The following MGAT5 variants were observed in gnomAD, a reference collection of about 807,000 sequenced individuals.
MGAT5 encodes the protein alpha-1,6-mannosylglycoprotein 6-beta-N-acetylglucosaminyltransferase.
Under a neutral mutation model 94.3 loss-of-function variants are expected in MGAT5, and 30 were observed. The observed-to-expected ratio is 0.32, with a 90% CI of 0.24 to 0.43. The LOEUF (loss-of-function observed/expected upper bound fraction) is 0.43. MGAT5 is among the 20% of genes least tolerant of loss of function. MGAT5 has a pLI of 1.00. For missense variants in MGAT5, 691 were observed against 905.5 expected, an observed-to-expected ratio of 0.76 and a Z score of 3.04; for synonymous variants, 310 against 322.9, an observed-to-expected ratio of 0.96 and a Z score of 0.43.
intron 10 of MGAT5, among the ~76,000 whole-genome samples, chr2:134,396,253 C>G (rs192583394): frequency 6.6e-6 from 1 of 152,274 alleles, no homozygotes; most frequent in East Asian, 1.9e-4. Flanking sequence ...GATAAATGAG[C>G]CAAAGACTGC....
chr2:134,395,830 T>G (rs1371132), intron 10 of MGAT5, among the ~76,000 whole-genome samples: 1 of 152,208 alleles, frequency 6.6e-6, no homozygotes, highest in Non-Finnish European at 1.5e-5. Context: ...CTGTTCTTTC[T>G]TCCTGTTCGT....
At position 134,268,531 on chromosome 2, in the gene MGAT5, A is replaced by T. The variant is rs931248821; in HGVS notation, c.242-1855A>T. Among the ~76,000 whole-genome samples, 7 of 152,222 alleles carry T rather than the reference A, an allele frequency of 4.6e-5. No individual in the cohort carries two copies. The highest frequency in any genetic ancestry group is 2.1e-4 in the South Asian group (1 of 4,832). On this transcript the variant is annotated intron_variant, in intron 1 of 15. Transcript: ENST00000281923. The surrounding 1 kb of genome is among the most constrained non-coding windows in gnomAD (Gnocchi z 4.1). ...TGATGTGCCTGTGACAAACTGAGTC[A>T]TGCTGACCGTGGGACTGCAGACCGC...
intron 13 of MGAT5, among the ~76,000 whole-genome samples, chr2:134,424,993 G>A (rs1225068268): frequency 3.9e-5 from 6 of 152,172 alleles, no homozygotes; most frequent in African/African-American, 1.4e-4. Context: ...TCACATTCAC[G>A]GGTGCTGGGG....
At chr2:134,120,931 G>A (rs1444433291) in intron 1 of MGAT5, among the ~76,000 whole-genome samples, 1 of 152,008 alleles carries the variant, frequency 6.6e-6, no homozygotes, top group Admixed American at 6.5e-5. Context: ...TCCCGCCGGC[G>A]CGCTCAGCCC....
At chr2:134,440,845 C>T (rs778076210) in intron 14 of MGAT5, among the ~76,000 whole-genome samples, 3 of 152,134 alleles carry the variant, frequency 2.0e-5, no homozygotes, top group Admixed American at 6.5e-5. Context: ...CCACAACTGC[C>T]GTCACTCACT....
intron 10 of MGAT5, among the ~76,000 whole-genome samples, chr2:134,376,576 T>A (rs1003066092): frequency 8.5e-5 from 13 of 152,224 alleles, no homozygotes; most frequent in Admixed American, 6.5e-4. Context: ...TTGGACCAGA[T>A]ACTCATTCCT....
intron 2 of MGAT5, among the ~76,000 whole-genome samples, chr2:134,310,342 G>T (rs935067000): frequency 6.6e-6 from 1 of 152,182 alleles, no homozygotes; most frequent in Non-Finnish European, 1.5e-5. Flanking sequence ...CATATGGAAG[G>T]TGCTAGTGGA....
chr2:134,357,825 T>C (rs1454465330), intron 9 of MGAT5, among the ~76,000 whole-genome samples: 1 of 151,320 alleles, frequency 6.6e-6, no homozygotes, highest in East Asian at 1.9e-4. Context: ...ACAGTTTCCC[T>C]AGCCTGCATC....
intron 14 of MGAT5, among the ~76,000 whole-genome samples, chr2:134,436,805 A>G (rs781387159): frequency 6.6e-6 from 1 of 152,110 alleles, no homozygotes; most frequent in Non-Finnish European, 1.5e-5. Flanking sequence ...ATGTCTTACT[A>G]TCTGTTAGCC....
intron 8 of MGAT5, among the ~76,000 whole-genome samples, chr2:134,348,765 TTTAA>T (rs1679166475): frequency 6.6e-6 from 1 of 152,342 alleles, no homozygotes; most frequent in African/African-American, 2.4e-5. Context: ...CATCCTCAAG[TTTAA>T]TTTACATCAA....
chr2:134,412,910 C>T lies in MGAT5; in HGVS notation c.1572C>T (p.Pro524=), dbSNP rs1683756715. 6.2e-7 allele frequency: 1 copy of T among 1,614,120 alleles called. No homozygotes were observed. Among genetic ancestry groups the T allele is most frequent in the Non-Finnish European group, 8.5e-7 (1 of 1,180,008 alleles). ...GLGFPYEGPA[P]LEAIANGCAF... ...GGTTCCCTTACGAGGGCCCAGCTCC[C>T]CTGGAAGCTATCGCAAATGGATGTG... The change falls in exon 12 of 16, where the codon CCC becomes CCT. Residue 524 remains proline (P), a synonymous_variant. Transcript: ENST00000281923.
chr2:134,131,019 C>G (rs1277714168), intron 1 of MGAT5, among the ~76,000 whole-genome samples: 1 of 152,212 alleles, frequency 6.6e-6, no homozygotes, highest in African/African-American at 2.4e-5. Flanking sequence ...CCCTGGGGTC[C>G]CCTTCCATAG....
chr2:134,283,448 A>T (rs1490203278), intron 2 of MGAT5, among the ~76,000 whole-genome samples: 1 of 152,166 alleles, frequency 6.6e-6, no homozygotes, highest in Non-Finnish European at 1.5e-5. Flanking sequence ...TAGAGGCACC[A>T]AATGGGGAGC....
intron 12 of MGAT5, 129 bp from the exon 13 acceptor site, chr2:134,422,674 A>G (rs1684364768): frequency 1.5e-6 from 1 of 668,272 alleles, no homozygotes; most frequent in South Asian, 1.8e-5. Context: ...TTTGATCATC[A>G]AGGGGAAGGA....
At chr2:134,427,170 G>C (rs1027410023) in intron 13 of MGAT5, among the ~76,000 whole-genome samples, 4 of 152,124 alleles carry the variant, frequency 2.6e-5, no homozygotes, top group Admixed American at 2.6e-4. Context: ...AATTATAGAA[G>C]TTTTGCCTAG....
chr2:134,297,442 C>G (rs1685743841), intron 2 of MGAT5, among the ~76,000 whole-genome samples: 1 of 152,108 alleles, frequency 6.6e-6, no homozygotes, highest in African/African-American at 2.4e-5. Context: ...AAAGACATCA[C>G]AAGTGAACAA....
chr2:134,412,586 C>T (rs911825403), intron 11 of MGAT5, among the ~76,000 whole-genome samples: 3 of 152,028 alleles, frequency 2.0e-5, no homozygotes, highest in Admixed American at 2.0e-4. Context: ...TCCATCCTCC[C>T]TACCCCGTGG....
chr2:134,318,163 G>A (rs1246091213), intron 3 of MGAT5, among the ~76,000 whole-genome samples: 2 of 152,142 alleles, frequency 1.3e-5, no homozygotes, highest in Non-Finnish European at 2.9e-5. Context: ...TGTCCATTCA[G>A]GGATGTAGTT....
chr2:134,273,743 G>C (rs762003469), intron 2 of MGAT5, among the ~76,000 whole-genome samples: 1 of 151,974 alleles, frequency 6.6e-6, no homozygotes, highest in Admixed American at 6.6e-5. Flanking sequence ...GTTTTTTAAT[G>C]TGAAAGTAAA....
Sources: allele counts gnomAD v4.1 joint callset (sites outside exome capture counted in the v4.1 genomes callset), GRCh38; gene constraint gnomAD v4.1.1; non-coding constraint Gnocchi (gnomAD v3.1); transcripts MANE v1.5; gene names NCBI Gene and HGNC (gene_info 2026-07-23, HGNC 2026-07-21).